Variants in CHODL observed in about 807,000 individuals in gnomAD.
The protein encoded by CHODL is chondrolectin, also known as transmembrane protein MT75.
CHODL carries 29 observed loss-of-function variants against 34.5 expected under a neutral mutation model. The observed-to-expected ratio is 0.84, with a 90% CI of 0.63 to 1.15. The LOEUF (loss-of-function observed/expected upper bound fraction) is 1.15, where lower values mean the gene tolerates loss of function less well. Among genes scored for constraint, CHODL ranks in the 50% most tolerant of loss-of-function variants. The pLI, the probability that CHODL is intolerant of heterozygous loss-of-function variation, is 0.00. For missense variants in CHODL, 332 were observed against 332.5 expected (o/e 1.00, Z 0.01); for synonymous variants, 125 against 116.1 (o/e 1.08, Z -0.49).
intron 1 of CHODL, among the ~76,000 whole-genome samples, chr21:18,003,651 A>G (rs2063932490): frequency 6.6e-6 from 1 of 152,122 alleles, no homozygotes; most frequent in South Asian, 2.1e-4. Context: ...TAAGAGAAAC[A>G]TTTTATTTGT....
chr21:18,038,876 A>G (rs1185306283), intron 2 of CHODL, among the ~76,000 whole-genome samples: 1 of 151,722 alleles, frequency 6.6e-6, no homozygotes, highest in South Asian at 2.1e-4. Flanking sequence ...TCCCTTTTCA[A>G]TGTCATCTTA....
At chr21:18,259,517 A>G (rs2074355666) in intron 3 of CHODL, among the ~76,000 whole-genome samples, 1 of 152,214 alleles carries the variant, frequency 6.6e-6, no homozygotes, top group South Asian at 2.1e-4. Context: ...GTACCCCTGA[A>G]CTTAAAAGTT....
intron 2 of CHODL, among the ~76,000 whole-genome samples, chr21:18,170,263 G>A (rs2073211379): frequency 6.6e-6 from 1 of 151,900 alleles, no homozygotes; most frequent in South Asian, 2.1e-4. Flanking sequence ...GTTGCTCTTT[G>A]TATAGTATAT....
chr21:17,970,180 T>C (rs2063603123), intron 1 of CHODL, among the ~76,000 whole-genome samples: 1 of 152,194 alleles, frequency 6.6e-6, no homozygotes, highest in Non-Finnish European at 1.5e-5. Flanking sequence ...CTGAAGAATA[T>C]AGTGTGTGTG....
At chr21:18,109,462 C>T (rs558941674) in intron 2 of CHODL, among the ~76,000 whole-genome samples, 1 of 152,242 alleles carries the variant, frequency 6.6e-6, no homozygotes, top group South Asian at 2.1e-4. Flanking sequence ...AACAGTAGGA[C>T]TACCAAGTTT....
intron 1 of CHODL, among the ~76,000 whole-genome samples, chr21:18,255,511 A>G (rs1389631461): frequency 1.3e-5 from 2 of 152,052 alleles, no homozygotes; most frequent in Non-Finnish European, 2.9e-5. Context: ...TATTACCTTA[A>G]TTGTTTTGAG....
At chr21:17,995,239 T>C (rs1235628253) in intron 1 of CHODL, among the ~76,000 whole-genome samples, 6 of 152,120 alleles carry the variant, frequency 3.9e-5, no homozygotes, top group African/African-American at 1.4e-4. Flanking sequence ...TGGCACAAAC[T>C]TCCTCTGGAA....
intron 2 of CHODL, among the ~76,000 whole-genome samples, chr21:18,189,486 T>C (rs1287747533): frequency 6.6e-6 from 1 of 152,122 alleles, no homozygotes; most frequent in Non-Finnish European, 1.5e-5. Flanking sequence ...CAACCTTTGA[T>C]ATAAGATTGG....
At chr21:17,926,561 G>A (rs1367706236) in intron 1 of CHODL, among the ~76,000 whole-genome samples, 1 of 152,078 alleles carries the variant, frequency 6.6e-6, no homozygotes, top group African/African-American at 2.4e-5. Context: ...CTTCTTCACA[G>A]GGCCTCAGCA....
chr21:18,262,226 T>C (rs1041128993), intron 4 of CHODL, among the ~76,000 whole-genome samples: 9 of 152,154 alleles, frequency 5.9e-5, no homozygotes, highest in Admixed American at 1.3e-4. Flanking sequence ...CAGTAAAATT[T>C]TGTTTTTAAC....
intron 1 of CHODL, among the ~76,000 whole-genome samples, chr21:17,926,188 A>G (rs1474735702): frequency 6.6e-6 from 1 of 152,078 alleles, no homozygotes; most frequent in East Asian, 1.9e-4. Flanking sequence ...ATTAAACATA[A>G]CATGTGTTGA....
intron 1 of CHODL, among the ~76,000 whole-genome samples, chr21:17,994,832 T>C (rs2063833087): frequency 6.6e-6 from 1 of 152,116 alleles, no homozygotes; most frequent in Non-Finnish European, 1.5e-5. Flanking sequence ...TGAGCCTGTT[T>C]GTAGGTCCTG....
At chr21:18,032,806 G>A (rs1370913054) in intron 2 of CHODL, among the ~76,000 whole-genome samples, 1 of 151,934 alleles carries the variant, frequency 6.6e-6, no homozygotes, top group African/African-American at 2.4e-5. Context: ...TCACTCTATT[G>A]TTCACCTGGT....
intron 2 of CHODL, among the ~76,000 whole-genome samples, chr21:18,081,277 T>C (rs1270181808): frequency 2.0e-5 from 3 of 152,178 alleles, no homozygotes; most frequent in Admixed American, 1.3e-4. Flanking sequence ...ATATCATCAG[T>C]GAACAAGGAT....
chr21:18,218,155 G>T (rs899204771), intron 2 of CHODL, among the ~76,000 whole-genome samples: 1 of 152,220 alleles, frequency 6.6e-6, no homozygotes, highest in Non-Finnish European at 1.5e-5. Context: ...CCCCAGTGGG[G>T]ACTCTGTATG....
At chr21:18,140,752 G>T (rs1337114513) in intron 2 of CHODL, among the ~76,000 whole-genome samples, 2 of 152,094 alleles carry the variant, frequency 1.3e-5, no homozygotes, top group Non-Finnish European at 2.9e-5. Context: ...GTGGGTTTGT[G>T]TGTACGTGCA....
chr21:18,183,921 GT>G (rs2073411031), intron 2 of CHODL, among the ~76,000 whole-genome samples: 1 of 152,016 alleles, frequency 6.6e-6, no homozygotes, highest in African/African-American at 2.4e-5. Flanking sequence ...AAGTCTGATT[GT>G]TTTTTAGCCT....
At chr21:17,979,753 GTGTT>G (rs1433016893) in intron 1 of CHODL, among the ~76,000 whole-genome samples, 1 of 152,202 alleles carries the variant, frequency 6.6e-6, no homozygotes, top group African/African-American at 2.4e-5. Flanking sequence ...TGGTTTCAGA[GTGTT>G]TGGTCTTTGG....
Position 18,257,089 on chromosome 21 carries a change from G to A in CHODL, c.509G>A (p.Cys170Tyr). ...CTTTACCAGTGGAATGATGACAGGT[G>A]TAACATGAAGCACAATTATATTTGC... The part of the protein sequence containing the change: ...PYLYQWNDDR[C>Y]NMKHNYICKY... Residue 170 changes from cysteine (C) to tyrosine (Y), a missense_variant, in exon 3 of 6, where the codon TGT (cysteine) becomes TAT (tyrosine). Physicochemically the swap from Cys to Tyr is radical, Grantham distance 194. Coordinates refer to ENST00000299295, the MANE Select transcript of CHODL (RefSeq NM_024944.3). 6.2e-7 allele frequency: 1 copy of A among 1,613,494 alleles called. No individual in the cohort carries two copies. Among genetic ancestry groups the A allele is most frequent in the South Asian group, 1.1e-5 (1 of 91,016 alleles).
Sources: gnomAD v4.1 joint callset for allele counts (sites outside exome capture counted in the v4.1 genomes callset) on GRCh38, gnomAD v4.1.1 for gene constraint, MANE v1.5 for transcripts, NCBI Gene and HGNC (gene_info 2026-07-23, HGNC 2026-07-21) for gene names.